The following VRTN variants were observed in gnomAD, a reference collection of about 807,000 sequenced individuals.
The protein encoded by VRTN is vertnin.
VRTN carries 5 observed loss-of-function variants against 18.2 expected under a neutral mutation model. That is an observed-to-expected ratio of 0.27 (90% CI 0.14 to 0.58). VRTN has a LOEUF of 0.58. Ranked by LOEUF, VRTN falls within the 20% of genes least tolerant of loss-of-function variation. The pLI is 0.91. For synonymous variants in VRTN, 381 were observed against 393.7 expected (o/e 0.97, Z 0.38); for missense variants, 741 against 939.4 (o/e 0.79, Z 2.76).
At position 74,306,158 on chromosome 14, in the gene VRTN, A is replaced by ATTTTTTTTTTT. The variant is rs1567036603; in HGVS notation, c.-164+2983_-164+2984insTTTTTTTTTTT. The stretch of plus-strand genomic sequence containing the variant: ...TGTAAAAATATACATATATATATAT[A>ATTTTTTTTTTT]TATATATATATATATTTTTTTTTTT... On this transcript the variant is annotated intron_variant, in intron 1 of 2. Transcript: ENST00000557177. 3.2e-5 allele frequency: 2 copies of ATTTTTTTTTTT among 63,430 alleles called. 1 individual carries two copies. Among genetic ancestry groups the ATTTTTTTTTTT allele is most frequent in the African/African-American group, 1.7e-4 (2 of 11,558 alleles). 3.9% of individuals were successfully genotyped at this position (63,430 alleles called of 1,614,324 possible). A position where few individuals can be genotyped will look rare whatever the true frequency, so the allele number is the denominator to read the frequency against.
chr14:74,337,130 G>T (rs978789552), intron 1 of VRTN, among the ~76,000 whole-genome samples: 4 of 152,092 alleles, frequency 2.6e-5, no homozygotes, highest in African/African-American at 9.7e-5. Context: ...ATCACTTGAG[G>T]TCAGGAGTTT....
At chr14:74,333,148 C>T (rs187560820) in intron 1 of VRTN, among the ~76,000 whole-genome samples, 2,397 of 152,146 alleles carry the variant, frequency 0.016, 56 homozygotes, top group African/African-American at 0.054. Flanking sequence ...TTTAGGAGGC[C>T]GAGGCGGGCG....
chr14:74,328,648 G>A (rs1320802553), intron 1 of VRTN, among the ~76,000 whole-genome samples: 3 of 152,164 alleles, frequency 2.0e-5, no homozygotes, highest in Non-Finnish European at 4.4e-5. Context: ...GTTAAAAAAC[G>A]AGGTAATTTT....
chr14:74,350,539 G>A (rs549695075), intron 1 of VRTN, among the ~76,000 whole-genome samples: 5 of 152,222 alleles, frequency 3.3e-5, no homozygotes, highest in Non-Finnish European at 7.4e-5. Context: ...CTGTAAAATG[G>A]CCAGGTTTGT....
intron 1 of VRTN, among the ~76,000 whole-genome samples, chr14:74,306,857 C>T (rs999030078): frequency 6.6e-6 from 1 of 151,822 alleles, no homozygotes; most frequent in Non-Finnish European, 1.5e-5. Context: ...GCTTCTGCCT[C>T]AGCCTCCCAA....
At chr14:74,353,839 C>T (rs1042958555) in intron 1 of VRTN, among the ~76,000 whole-genome samples, 6 of 152,142 alleles carry the variant, frequency 3.9e-5, no homozygotes, top group African/African-American at 1.4e-4. Flanking sequence ...TCTCCTGCCT[C>T]AGCCTCCCGA....
At chr14:74,346,553 A>G (rs1370134886), upstream of VRTN, among the ~76,000 whole-genome samples, 2 of 152,192 alleles carry the variant, frequency 1.3e-5, no homozygotes, top group Non-Finnish European at 2.9e-5. Flanking sequence ...AGCTGGGACT[A>G]TAGGCATGCA....
upstream of VRTN, among the ~76,000 whole-genome samples, chr14:74,344,291 T>C (rs1054512171): frequency 8.7e-6 from 1 of 114,354 alleles, no homozygotes; most frequent in Non-Finnish European, 1.8e-5. Context: ...TGCCCAGCTA[T>C]GGTCCCAGCC....
intron 1 of VRTN, among the ~76,000 whole-genome samples, chr14:74,331,544 T>TTA (rs1169929236): frequency 0.031 from 1,332 of 43,118 alleles, 37 homozygotes; most frequent in Non-Finnish European, 0.04. Context: ...AAAAAAAATT[T>TTA]TATATATATA....
intron 1 of VRTN, among the ~76,000 whole-genome samples, chr14:74,314,610 GC>G (rs1306602669): frequency 6.6e-6 from 1 of 151,852 alleles, no homozygotes; most frequent in Non-Finnish European, 1.5e-5. Flanking sequence ...CATCGAGTTA[GC>G]CAGGATGGTC....
intron 1 of VRTN, among the ~76,000 whole-genome samples, chr14:74,307,408 G>A (rs1223478114): frequency 6.6e-6 from 1 of 151,954 alleles, no homozygotes; most frequent in Admixed American, 6.6e-5. Context: ...GAGATTACAG[G>A]CGTGAGCCAC....
intron 1 of VRTN, among the ~76,000 whole-genome samples, chr14:74,306,710 T>C (rs1339374855): frequency 6.8e-6 from 1 of 146,290 alleles, no homozygotes; most frequent in Non-Finnish European, 1.5e-5. Flanking sequence ...TCCTCCCACC[T>C]CAATCTCCTG....
Position 74,358,620 on chromosome 14 carries a change from G to A in VRTN, c.1837G>A (p.Ala613Thr). Residue 613 changes from alanine to threonine, a missense_variant, in exon 2 of 2, where the codon GCC becomes ACC. Ala to Thr is a moderately conservative substitution (Grantham distance 58). Coordinates refer to ENST00000256362, the MANE Select transcript of VRTN (RefSeq NM_018228.3). The surrounding 1 kb of genome is among the most constrained non-coding windows in gnomAD (Gnocchi z 5.4). Reference protein sequence around the residue: ...PSREGALQEGATAQGQPHSGP... With the variant: ...PSREGALQEGTTAQGQPHSGP... ...CAGAGAGGGGGCCCTGCAGGAGGGGGCCACAGCCCAGGGCCAGCCCCACAG... is the reference window on the plus strand; with the variant it reads ...CAGAGAGGGGGCCCTGCAGGAGGGGACCACAGCCCAGGGCCAGCCCCACAG... 6.2e-7 allele frequency: 1 copy of A among 1,602,446 alleles called. No individual in the cohort carries two copies. The highest frequency in any genetic ancestry group is 1.3e-5 in the African/African-American group (1 of 74,816).
chr14:74,318,091 C>G (rs1449368134), intron 1 of VRTN, among the ~76,000 whole-genome samples: 1 of 152,130 alleles, frequency 6.6e-6, no homozygotes, highest in Non-Finnish European at 1.5e-5. Flanking sequence ...TGCACTCCAG[C>G]CTGGGCAGCA....
chr14:74,357,828 G>T lies in VRTN; in HGVS notation c.1045G>T (p.Ala349Ser). 1.2e-6 allele frequency: 2 copies of T among 1,613,520 alleles called. No homozygotes were observed. Among genetic ancestry groups the T allele is most frequent in the Non-Finnish European group, 1.7e-6 (2 of 1,180,038 alleles). ...FPEISRSTYY[A>S]WKHELLGSGT... Reference sequence around the variant, plus strand: ...GGAGATCTCCCGCTCAACCTACTATGCCTGGAAGCATGAGCTGCTGGGCTC... The same window carrying T: ...GGAGATCTCCCGCTCAACCTACTATTCCTGGAAGCATGAGCTGCTGGGCTC... Residue 349 changes from alanine (A) to serine (S), a missense_variant, in exon 2 of 2, where the codon GCC becomes TCC. Transcript: ENST00000256362. This position sits in a 1 kb window ranked among gnomAD's most constrained non-coding sequence, Gnocchi z 7.8.
At chr14:74,331,046 C>CAA (rs1431965785) in intron 1 of VRTN, among the ~76,000 whole-genome samples, 1 of 150,486 alleles carries the variant, frequency 6.6e-6, no homozygotes, top group African/African-American at 2.4e-5. Context: ...AAAAAAAATA[C>CAA]AAAAAATTAG....
chr14:74,349,545 A>G (rs1473230452), intron 1 of VRTN, among the ~76,000 whole-genome samples: 1 of 152,192 alleles, frequency 6.6e-6, no homozygotes, highest in Non-Finnish European at 1.5e-5. Context: ...GGCTGAGAAC[A>G]TGGGATCCAT....
rs2085733791 is a variant in VRTN at position 74,357,121 on chromosome 14, T to A, written c.338T>A (p.Leu113Gln). 6.2e-7 allele frequency: 1 copy of A among 1,600,232 alleles called. No individual in the cohort carries two copies. Among genetic ancestry groups the A allele is most frequent in the Non-Finnish European group, 8.5e-7 (1 of 1,175,312 alleles). The change falls in exon 2 of 2, where the codon CTG (leucine) becomes CAG (glutamine). Residue 113 changes from leucine to glutamine, a missense_variant. Leu to Gln is a moderately radical substitution (Grantham distance 113, BLOSUM62 -2). Transcript: ENST00000256362. This position sits in a 1 kb window ranked among gnomAD's most constrained non-coding sequence, Gnocchi z 7.8. ...CGGGCCCGCACCGTGGTAGAGATGC[T>A]GCTGCACAGACACTACTACCTCCAG... ...ELRARTVVEMLLHRHYYLQGM... is the reference protein window; with the variant it reads ...ELRARTVVEMQLHRHYYLQGM...
intron 2 of VRTN, chr14:74,337,902 T>C (rs537691951): frequency 6.6e-6 from 1 of 152,270 alleles, no homozygotes; most frequent in African/African-American, 2.4e-5. Flanking sequence ...TCCTTCCCCT[T>C]TGCTCCTTTA....
Sources: gnomAD v4.1 joint callset for allele counts (sites outside exome capture counted in the v4.1 genomes callset) on GRCh38, gnomAD v4.1.1 for gene constraint, Gnocchi (gnomAD v3.1) non-coding constraint, MANE v1.5 for transcripts, NCBI Gene and HGNC (gene_info 2026-07-23, HGNC 2026-07-21) for gene names.